Variants in ITM2B observed in about 807,000 individuals in gnomAD.
ITM2B encodes integral membrane protein 2B.
In ITM2B, 11 loss-of-function variants were observed where a neutral mutation model predicts 27.8. That is an observed-to-expected ratio of 0.40 (90% confidence interval 0.25 to 0.66). The LOEUF (loss-of-function observed/expected upper bound fraction) is 0.66. Among genes scored for constraint, ITM2B ranks in the 30% least tolerant of loss-of-function variants. The probability of loss-of-function intolerance (pLI) is 0.43; values close to 1 mark genes in which losing one functional copy is unlikely to be tolerated. For missense variants in ITM2B, 296 were observed against 328.9 expected, an observed-to-expected ratio of 0.90 and a Z score of 0.77; for synonymous variants, 114 against 114.3, an observed-to-expected ratio of 1.00 and a Z score of 0.02.
At chr13:48,242,453 A>G (rs754485435) in intron 1 of ITM2B, among the ~76,000 whole-genome samples, 1 of 150,778 alleles carries the variant, frequency 6.6e-6, no homozygotes, top group Non-Finnish European at 1.5e-5. Flanking sequence ...TTAGTTTTCT[A>G]TTCCAGACTG....
intron 3 of ITM2B, 25 bp from the exon 4 acceptor site, chr13:48,258,101 C>A: frequency 9.0e-7 from 1 of 1,117,232 alleles, no homozygotes; most frequent in Non-Finnish European, 1.4e-6. Context: ...ATTACTGTAA[C>A]TACACTGTAT....
Position 48,242,961 on chromosome 13 carries a change from A to G in ITM2B, c.117+9484A>G, listed in dbSNP as rs868492141. 3.3e-5 allele frequency among the ~76,000 whole-genome samples: 5 copies of G among 152,210 alleles called. No individual in the cohort carries two copies. The South Asian group carries it at 1.0e-3, about 31-fold the overall frequency. On this transcript the variant is annotated intron_variant, in intron 1 of 5. Coordinates refer to ENST00000647800, the MANE Select transcript of ITM2B (RefSeq NM_021999.5). ...TAAACAAACATTTCACTGGAAATCA[A>G]TATTAGAACTTCAACTTAGCTATCT...
chr13:48,258,787 C>A lies in ITM2B; in HGVS notation c.565-10C>A. ...AGATAGTCATGTCATGTATTCTTTT[C>A]TGAATGTAGGCTGGAACCTATTTGC... On this transcript the variant is annotated splice_polypyrimidine_tract_variant and intron_variant, in intron 4 of 5. Transcript: ENST00000647800. 1 of 1,612,486 alleles carries A rather than the reference C, an allele frequency of 6.2e-7. No homozygotes were observed. The highest frequency in any genetic ancestry group is 8.5e-7 in the Non-Finnish European group (1 of 1,178,610).
In ITM2B at chr13:48,265,771, C is replaced by G. The variant is rs1951848919; in HGVS notation, c.*4547C>G. The G allele has an allele frequency of 6.6e-6, 1 of 152,202 alleles. No individual in the cohort carries two copies. The highest frequency in any genetic ancestry group is 1.5e-5 in the Non-Finnish European group (1 of 68,042). The allele number at this position is 152,202 out of a possible 1,614,324, so 9.4% of individuals were successfully genotyped here. A position where few individuals can be genotyped will look rare whatever the true frequency, so the allele number is the denominator to read the frequency against. ...CCCGACACCCTTCAGTTAGCTTCCA[C>G]TCAACCTTCAGAATTTAGTTCAGGT... On this transcript the variant is annotated 3_prime_UTR_variant, in exon 6 of 6. Transcript: ENST00000647800.
intron 1 of ITM2B, among the ~76,000 whole-genome samples, chr13:48,236,691 T>C (rs555579734): frequency 6.6e-6 from 1 of 152,286 alleles, no homozygotes; most frequent in African/African-American, 2.4e-5. Context: ...AGAGGTATTA[T>C]GTAATAAAGC....
chr13:48,238,671 G>A (rs560212485), intron 1 of ITM2B, among the ~76,000 whole-genome samples: 1 of 152,254 alleles, frequency 6.6e-6, no homozygotes. Context: ...ATTTGGGAAA[G>A]TGATACTAAG....
chr13:48,244,897 A>G (rs1228442525), intron 1 of ITM2B, among the ~76,000 whole-genome samples: 1 of 152,248 alleles, frequency 6.6e-6, no homozygotes, highest in African/African-American at 2.4e-5. Context: ...GATATTATTA[A>G]CAATAAATAA....
At position 48,256,315 on chromosome 13, in the gene ITM2B, T is replaced by G. The variant is rs750762827; in HGVS notation, c.385T>G (p.Phe129Val). 3 of 1,613,980 alleles carry G rather than the reference T, an allele frequency of 1.9e-6. No homozygotes were observed. The highest frequency in any genetic ancestry group is 2.5e-6 in the Non-Finnish European group (3 of 1,179,868). The change falls in exon 3 of 6, where the codon TTT becomes GTT. Residue 129 changes from phenylalanine (F) to valine (V), a missense_variant. Physicochemically the swap from Phe to Val is conservative, Grantham distance 50 (BLOSUM62 -1). Transcript: ENST00000647800. The stretch of plus-strand genomic sequence containing the variant: ...AATCTTTGAAGAAGAAGAAGTTGAA[T>G]TTATCAGTGTGCCTGTCCCAGAGTT... ...IKIFEEEEVEFISVPVPEFAD... is the reference protein window; with the variant it reads ...IKIFEEEEVEVISVPVPEFAD...
chr13:48,250,160 C>A (rs890719340), intron 1 of ITM2B, among the ~76,000 whole-genome samples: 3 of 152,116 alleles, frequency 2.0e-5, no homozygotes, highest in Non-Finnish European at 4.4e-5. Flanking sequence ...AAATAGCAAG[C>A]CTTACTTAAT....
rs1040758949 is a variant in ITM2B at position 48,264,488 on chromosome 13, G to T, written c.*3264G>T. 6.6e-6 allele frequency: 1 copy of T among 152,142 alleles called. No individual in the cohort carries two copies. Among genetic ancestry groups the T allele is most frequent in the Non-Finnish European group, 1.5e-5 (1 of 68,022 alleles). The allele number at this position is 152,142 out of a possible 1,614,324, so 9.4% of individuals were successfully genotyped here. On this transcript the variant is annotated 3_prime_UTR_variant, in exon 6 of 6. Transcript: ENST00000647800. ...GGTCTAGATTCTATGTTTGAATGTG[G>T]TTATGAATTAATATGGGCAGAATCT...
intron 1 of ITM2B, among the ~76,000 whole-genome samples, chr13:48,242,547 T>C (rs1951705598): frequency 6.6e-6 from 1 of 152,142 alleles, no homozygotes; most frequent in South Asian, 2.1e-4. Context: ...ATCTACAGTT[T>C]CATAAATCTG....
intron 1 of ITM2B, among the ~76,000 whole-genome samples, chr13:48,249,618 T>C (rs1022250563): frequency 6.6e-6 from 1 of 152,212 alleles, no homozygotes; most frequent in Non-Finnish European, 1.5e-5. Context: ...GTTTGTGTAC[T>C]TGCTGTAGGA....
At chr13:48,241,227 C>T (rs926642393) in intron 1 of ITM2B, among the ~76,000 whole-genome samples, 5 of 152,056 alleles carry the variant, frequency 3.3e-5, no homozygotes, top group African/African-American at 7.2e-5. Context: ...CGTGGTGCGG[C>T]GGGCAGCAGA....
Position 48,233,326 on chromosome 13 carries a change from C to G in ITM2B, c.-35C>G. On this transcript the variant is annotated 5_prime_UTR_variant, in exon 1 of 6. Transcript: ENST00000647800. ...GAGCCCGCAGCCCGCGCCCCGAGCC[C>G]GCCGCCGCCCTTCGAGGGCGCCCCA... 7.1e-7 allele frequency: 1 copy of G among 1,403,058 alleles called. No individual in the cohort carries two copies. Among genetic ancestry groups the G allele is most frequent in the African/African-American group, 1.5e-5 (1 of 67,050 alleles). 86.9% of individuals were successfully genotyped at this position (1,403,058 alleles called of 1,614,324 possible).
At position 48,261,408 on chromosome 13, in the gene ITM2B, GGT is replaced by G. The variant is rs1436279306; in HGVS notation, c.*187_*188del. ...TTAAAATTTTTTTCTTTCGAAGTGT[GGT>G]GTCTTTTATATTTGAATTAGTAACT... On this transcript the variant is annotated 3_prime_UTR_variant, in exon 6 of 6. Coordinates refer to ENST00000647800, the MANE Select transcript of ITM2B (RefSeq NM_021999.5). 5.6e-6 allele frequency: 3 copies of G among 531,310 alleles called. No homozygotes were observed. Among genetic ancestry groups the G allele is most frequent in the Non-Finnish European group, 6.7e-6 (2 of 298,996 alleles). The allele number at this position is 531,310 out of a possible 1,614,324, so 32.9% of individuals were successfully genotyped here.
rs967949103 is a variant in ITM2B at position 48,244,963 on chromosome 13, C to T, written c.118-8845C>T. Among the ~76,000 whole-genome samples, 10 of 152,280 alleles carry T rather than the reference C, an allele frequency of 6.6e-5. No individual in the cohort carries two copies. The East Asian group carries it at 1.3e-3, about 21-fold the overall frequency. ...ATTTACCTGTTTGTGCTAATCTAGGCTTTTTGCTATCCCAGTGCCTTTTAC... is the reference window on the plus strand; with the variant it reads ...ATTTACCTGTTTGTGCTAATCTAGGTTTTTTGCTATCCCAGTGCCTTTTAC... On this transcript the variant is annotated intron_variant, in intron 1 of 5. Transcript: ENST00000647800.
In ITM2B at chr13:48,258,803, A is replaced by G; in HGVS notation, c.571A>G (p.Thr191Ala). 6.2e-7 allele frequency: 1 copy of G among 1,613,582 alleles called. No homozygotes were observed. The highest frequency in any genetic ancestry group is 1.3e-5 in the African/African-American group (1 of 75,024). Residue 191 changes from threonine (T) to alanine (A), a missense_variant, in exon 5 of 6, where the codon ACC becomes GCC. By Grantham distance (58) the Thr-to-Ala change is moderately conservative (BLOSUM62 0). Transcript: ENST00000647800. ...TATTCTTTTCTGAATGTAGGCTGGA[A>G]CCTATTTGCCTCAGTCCTATCTGAT... ...LELLINIKAGTYLPQSYLIHE... is the reference protein window; with the variant it reads ...LELLINIKAGAYLPQSYLIHE...
intron 1 of ITM2B, among the ~76,000 whole-genome samples, chr13:48,236,945 C>T (rs1951672046): frequency 6.6e-6 from 1 of 152,162 alleles, no homozygotes. Context: ...AAAATAGTGG[C>T]AGGGTGAGTG....
In ITM2B at chr13:48,265,178, T is replaced by C. The variant is rs1406400885; in HGVS notation, c.*3954T>C. 1 of 151,948 alleles carries C rather than the reference T, an allele frequency of 6.6e-6. No individual in the cohort carries two copies. The highest frequency in any genetic ancestry group is 1.5e-5 in the Non-Finnish European group (1 of 68,032). 9.4% of individuals were successfully genotyped at this position (151,948 alleles called of 1,614,324 possible). On this transcript the variant is annotated 3_prime_UTR_variant, in exon 6 of 6. Coordinates refer to ENST00000647800, the MANE Select transcript of ITM2B (RefSeq NM_021999.5). Reference sequence around the variant, plus strand: ...ATTGTAAAAATATCAAATAATACAGTTTTTGAAGGTAAAAAGTAAATGTTC... The same window carrying C: ...ATTGTAAAAATATCAAATAATACAGCTTTTGAAGGTAAAAAGTAAATGTTC...
Sources: gnomAD v4.1 joint callset for allele counts (sites outside exome capture counted in the v4.1 genomes callset) on GRCh38, gnomAD v4.1.1 for gene constraint, MANE v1.5 for transcripts, NCBI Gene and HGNC (gene_info 2026-07-23, HGNC 2026-07-21) for gene names.